WDPCP: variants seen among roughly 807,000 people sequenced by gnomAD.
WDPCP encodes the protein WD repeat-containing and planar cell polarity effector protein fritz homolog.
A neutral mutation model predicts 93.1 loss-of-function variants in WDPCP; 71 were observed. The ratio of observed to expected loss-of-function variants is 0.76; its 90% CI spans 0.63 to 0.93. WDPCP has a LOEUF of 0.93. Ranked by LOEUF, WDPCP falls within the 40% of genes least tolerant of loss-of-function variation. WDPCP has a pLI of 0.00. For missense variants in WDPCP, 844 were observed against 887.4 expected (o/e 0.95, Z 0.62); for synonymous variants, 315 against 315.0 (o/e 1.00, Z 0.00).
rs1574892973 is a variant in WDPCP at position 63,214,013 on chromosome 2, A to C, written c.1916-39181T>G. Among the ~76,000 whole-genome samples, 3 of 152,304 alleles carry C rather than the reference A, an allele frequency of 2.0e-5. No homozygotes were observed. In the East Asian group the frequency reaches 5.8e-4, roughly 29 times the overall value. On this transcript the variant is annotated intron_variant, in intron 14 of 17. Transcript: ENST00000272321. ...CCAACCAAAAGAACTCCAGGACCAG[A>C]TGGATTCACAGCCGAATTCTACCTG...
chr2:63,634,414 A>G (rs534665801), intron 3 of WDPCP, among the ~76,000 whole-genome samples: 14 of 152,368 alleles, frequency 9.2e-5, no homozygotes, highest in African/African-American at 3.4e-4. Flanking sequence ...CTATGGCAAT[A>G]CAATAATAGT....
intron 10 of WDPCP, among the ~76,000 whole-genome samples, chr2:63,392,998 G>C (rs1346063292): frequency 6.6e-6 from 1 of 152,156 alleles, no homozygotes; most frequent in Non-Finnish European, 1.5e-5. Flanking sequence ...CAAGGATCTA[G>C]AACTAGAAAT....
chr2:63,450,678 C>T (rs1698181167), intron 6 of WDPCP, among the ~76,000 whole-genome samples: 1 of 152,152 alleles, frequency 6.6e-6, no homozygotes, highest in African/African-American at 2.4e-5. Flanking sequence ...AAAACTTCAC[C>T]ATAGCCCCCA....
chr2:63,785,276 C>A (rs1448247996), intron 2 of WDPCP, among the ~76,000 whole-genome samples: 2 of 152,168 alleles, frequency 1.3e-5, no homozygotes, highest in Admixed American at 1.3e-4. Flanking sequence ...CTCCTCCTTC[C>A]TCCCTTCTCC....
intron 2 of WDPCP, among the ~76,000 whole-genome samples, chr2:63,783,259 A>T (rs1384336163): frequency 3.9e-5 from 6 of 152,024 alleles, no homozygotes; most frequent in Non-Finnish European, 7.4e-5. Context: ...AAAAAAAAAA[A>T]ATTAAAAAGG....
chr2:63,837,842 G>A, the WDPCP span, among the ~76,000 whole-genome samples: 1 of 152,196 alleles, frequency 6.6e-6, no homozygotes, highest in Non-Finnish European at 1.5e-5. Context: ...TGTGGCTTAC[G>A]CCTGTAATTC....
At chr2:63,311,278 T>C (rs1321695117) in intron 13 of WDPCP, among the ~76,000 whole-genome samples, 4 of 152,198 alleles carry the variant, frequency 2.6e-5, no homozygotes. Context: ...TACAAGCTTT[T>C]AATTTCAAAA....
intron 2 of WDPCP, among the ~76,000 whole-genome samples, chr2:63,759,340 G>A (rs1670018726): frequency 6.6e-6 from 1 of 152,134 alleles, no homozygotes; most frequent in South Asian, 2.1e-4. Flanking sequence ...AAGCTGGCAT[G>A]GAAAGTCTTG....
chr2:63,761,906 A>G (rs1475332152), intron 2 of WDPCP, among the ~76,000 whole-genome samples: 4 of 152,284 alleles, frequency 2.6e-5, no homozygotes, highest in South Asian at 4.1e-4. Context: ...GCCTTATAAC[A>G]TGGTATTAAC....
At chr2:63,264,620 A>G (rs1357404855) in intron 13 of WDPCP, among the ~76,000 whole-genome samples, 1 of 152,234 alleles carries the variant, frequency 6.6e-6, no homozygotes, top group African/African-American at 2.4e-5. Context: ...AGAGATTGCA[A>G]TACAATAATG....
chr2:63,227,132 G>GTAAAT (rs1305536398), intron 14 of WDPCP, among the ~76,000 whole-genome samples: 24 of 151,890 alleles, frequency 1.6e-4, no homozygotes, highest in Admixed American at 1.6e-3. Flanking sequence ...CCCCATTAAT[G>GTAAAT]TAAATTATTT....
intron 3 of WDPCP, among the ~76,000 whole-genome samples, chr2:63,612,547 A>G (rs1384433311): frequency 1.3e-5 from 2 of 152,218 alleles, no homozygotes; most frequent in Non-Finnish European, 2.9e-5. Flanking sequence ...CATGAAGAAG[A>G]CAGAAAGTTG....
rs530672473 is a variant in WDPCP at position 63,601,681 on chromosome 2, G to C, written n.488+48978C>G. Among the ~76,000 whole-genome samples the C allele has an allele frequency of 2.6e-5, 4 of 152,286 alleles. No individual in the cohort carries two copies. The South Asian group carries it at 8.3e-4, about 32-fold the overall frequency. ...TGGATTAGCTCAAGAGATAGAAGGA[G>C]CAAGAGGAGGAGGGCAACAAGAACA... On this transcript the variant is annotated intron_variant and non_coding_transcript_variant, in intron 3 of 4. Transcript: ENST00000467687.
At chr2:63,553,358 C>A (rs1424986528) in intron 1 of WDPCP, among the ~76,000 whole-genome samples, 1 of 152,088 alleles carries the variant, frequency 6.6e-6, no homozygotes, top group African/African-American at 2.4e-5. Flanking sequence ...CGTGTTAGAG[C>A]CAGTTATTTT....
intron 1 of WDPCP, among the ~76,000 whole-genome samples, chr2:63,541,437 G>A (rs1165041609): frequency 1.3e-5 from 2 of 152,016 alleles, no homozygotes; most frequent in African/African-American, 2.4e-5. Flanking sequence ...TCTTAATTGT[G>A]TAATGTTGAA....
intron 14 of WDPCP, among the ~76,000 whole-genome samples, chr2:63,183,090 C>T (rs574210299): frequency 6.6e-6 from 1 of 151,872 alleles, no homozygotes; most frequent in Non-Finnish European, 1.5e-5. Flanking sequence ...AACCAACTTT[C>T]TGTTTCTTTG....
chr2:63,598,937 T>C (rs1251405955), intron 3 of WDPCP, among the ~76,000 whole-genome samples: 1 of 151,866 alleles, frequency 6.6e-6, no homozygotes, highest in East Asian at 1.9e-4. Flanking sequence ...TCAGTCTCTG[T>C]AATATGGTTG....
intron 2 of WDPCP, chr2:63,650,842 T>C (rs1710100476): frequency 6.6e-6 from 1 of 152,188 alleles, no homozygotes; most frequent in Admixed American, 6.6e-5. Flanking sequence ...GCAAAGTCTG[T>C]GGTGGAAAGA....
At chr2:63,796,384 C>A (rs1670618033) in intron 2 of WDPCP, among the ~76,000 whole-genome samples, 1 of 152,236 alleles carries the variant, frequency 6.6e-6, no homozygotes. Context: ...CTTAAAAAGG[C>A]ATCTTCATAA....
Sources: gnomAD v4.1 joint callset for allele counts (sites outside exome capture counted in the v4.1 genomes callset) on GRCh38, gnomAD v4.1.1 for gene constraint, MANE v1.5 for transcripts, NCBI Gene and HGNC (gene_info 2026-07-23, HGNC 2026-07-21) for gene names.